Variants in FAM174A observed in about 807,000 individuals in gnomAD.
FAM174A encodes family with sequence similarity 174 member A.
A neutral mutation model predicts 14.3 loss-of-function variants in FAM174A; 14 were observed. That is an observed-to-expected ratio of 0.98 (90% confidence interval 0.65 to 1.53). FAM174A has a LOEUF of 1.53. FAM174A is among the 40% of genes most tolerant of loss of function. The pLI is 0.00. For missense variants in FAM174A, 241 were observed against 249.6 expected (o/e 0.97, Z 0.23); for synonymous variants, 108 against 111.4 (o/e 0.97, Z 0.19).
At chr5:100,581,767 G>A (rs1747021911) in intron 2 of FAM174A, among the ~76,000 whole-genome samples, 1 of 152,150 alleles carries the variant, frequency 6.6e-6, no homozygotes, top group South Asian at 2.1e-4. Context: ...ATAGAATTCT[G>A]AGGAAATTCC....
chr5:100,572,127 T>C (rs1746794395), intron 2 of FAM174A, among the ~76,000 whole-genome samples: 1 of 151,980 alleles, frequency 6.6e-6, no homozygotes, highest in Non-Finnish European at 1.5e-5. Context: ...AATAAATAAA[T>C]CAGTTCAGTA....
intron 2 of FAM174A, among the ~76,000 whole-genome samples, chr5:100,572,669 G>A (rs1746816108): frequency 6.6e-6 from 1 of 151,988 alleles, no homozygotes; most frequent in Non-Finnish European, 1.5e-5. Context: ...CATTTGGGTT[G>A]ATTCCAAGTC....
At chr5:100,573,368 G>T (rs1746835354) in intron 2 of FAM174A, among the ~76,000 whole-genome samples, 1 of 149,668 alleles carries the variant, frequency 6.7e-6, no homozygotes, top group Non-Finnish European at 1.5e-5. Flanking sequence ...TTTTCTTCTA[G>T]GGTTTTTATG....
chr5:100,566,880 A>C (rs1746664762), intron 2 of FAM174A, among the ~76,000 whole-genome samples: 1 of 151,872 alleles, frequency 6.6e-6, no homozygotes, highest in Non-Finnish European at 1.5e-5. Flanking sequence ...TTACAAAGTT[A>C]CGTTTTGAAG....
chr5:100,583,955 T>C (rs1279065074), intron 2 of FAM174A, among the ~76,000 whole-genome samples: 2 of 152,188 alleles, frequency 1.3e-5, no homozygotes, highest in Non-Finnish European at 2.9e-5. Flanking sequence ...AGAAACATTG[T>C]ATTTGGAGGC....
intron 1 of FAM174A, among the ~76,000 whole-genome samples, chr5:100,558,384 T>C (rs1746443133): frequency 1.3e-5 from 2 of 152,236 alleles, no homozygotes; most frequent in African/African-American, 2.4e-5. Context: ...GGAATAGGTG[T>C]GGTGTGCTGC....
chr5:100,562,299 TTCAGTTCTG>T (rs1746541929), intron 2 of FAM174A, 111 bp downstream of exon 2: 1 of 1,001,284 alleles, frequency 1.0e-6, no homozygotes, highest in Admixed American at 2.9e-5. Flanking sequence ...ACACAGTTTC[TTCAGTTCTG>T]TTTACTGAAG....
At chr5:100,563,523 T>C (rs1186632561) in intron 2 of FAM174A, among the ~76,000 whole-genome samples, 1 of 151,790 alleles carries the variant, frequency 6.6e-6, no homozygotes, top group Non-Finnish European at 1.5e-5. Context: ...AAGTAGGAAA[T>C]TGACAGCCAT....
Position 100,550,526 on chromosome 5 carries a change from A to C in FAM174A, c.435-11528A>C, listed in dbSNP as rs968271706. ...GTTTAGCAATATTTATCAGGCATCA[A>C]CTTTATGACAGAAGTTGTGTGCTGT... On this transcript the variant is annotated intron_variant, in intron 1 of 2. Transcript: ENST00000312637. 2.6e-5 allele frequency among the ~76,000 whole-genome samples: 4 copies of C among 152,292 alleles called. No individual in the cohort carries two copies. The South Asian group carries it at 6.2e-4, about 24-fold the overall frequency.
intron 2 of FAM174A, 92 bp downstream of exon 2, chr5:100,562,280 T>G (rs2112386190): frequency 8.5e-7 from 1 of 1,181,030 alleles, no homozygotes; most frequent in East Asian, 2.7e-5. Flanking sequence ...TTTAACAGCT[T>G]ATATTCCAAC....
Position 100,562,509 on chromosome 5 carries a change from T to G in FAM174A, c.569+321T>G, listed in dbSNP as rs143512989. Among the ~76,000 whole-genome samples the G allele has an allele frequency of 1.3e-4, 20 of 152,026 alleles. No individual in the cohort carries two copies. In the East Asian group the frequency reaches 3.9e-3, roughly 29 times the overall value. ...GTGTCATGTGGTTTTGTCGTACAGATTATTTCATCACCCAGTTATTAAGCC... is the reference window on the plus strand; with the variant it reads ...GTGTCATGTGGTTTTGTCGTACAGAGTATTTCATCACCCAGTTATTAAGCC... On this transcript the variant is annotated intron_variant, in intron 2 of 2. Transcript: ENST00000312637.
chr5:100,554,182 A>T (rs1020385341), intron 1 of FAM174A, among the ~76,000 whole-genome samples: 1 of 152,070 alleles, frequency 6.6e-6, no homozygotes, highest in Non-Finnish European at 1.5e-5. Flanking sequence ...TCCTTAACTT[A>T]TATTTCCAAC....
At chr5:100,546,724 A>G (rs189103021) in intron 1 of FAM174A, among the ~76,000 whole-genome samples, 7 of 152,190 alleles carry the variant, frequency 4.6e-5, no homozygotes, top group East Asian at 1.9e-4. Flanking sequence ...ACTATACCAG[A>G]TACACATTGA....
At chr5:100,537,589 C>T (rs533074026) in intron 1 of FAM174A, among the ~76,000 whole-genome samples, 13 of 152,262 alleles carry the variant, frequency 8.5e-5, no homozygotes, top group Admixed American at 8.5e-4. Context: ...AGAACCACAG[C>T]TGTAAGAAAT....
rs574553505 is a variant in FAM174A at position 100,579,888 on chromosome 5, G to T, written c.570-6293G>T. Reference sequence around the variant, plus strand: ...CTAGCAGAGTTTTCATTTATCCAGGGTATCTTTCCATCTTAAGAGATATTT... The same window carrying T: ...CTAGCAGAGTTTTCATTTATCCAGGTTATCTTTCCATCTTAAGAGATATTT... On this transcript the variant is annotated intron_variant, in intron 2 of 2. Transcript: ENST00000312637. Among the ~76,000 whole-genome samples, 3 of 152,140 alleles carry T rather than the reference G, an allele frequency of 2.0e-5. No homozygotes were observed. The East Asian group carries it at 5.8e-4, about 29-fold the overall frequency.
chr5:100,580,480 G>A (rs902723702), intron 2 of FAM174A, among the ~76,000 whole-genome samples: 1 of 152,218 alleles, frequency 6.6e-6, no homozygotes, highest in Admixed American at 6.5e-5. Flanking sequence ...AGAACTTGGA[G>A]TCCGATATTC....
intron 2 of FAM174A, among the ~76,000 whole-genome samples, chr5:100,564,158 A>G (rs995981449): frequency 6.6e-6 from 1 of 151,814 alleles, no homozygotes; most frequent in Non-Finnish European, 1.5e-5. Flanking sequence ...TGTCAGCACC[A>G]TGCTTGTATA....
intron 1 of FAM174A, among the ~76,000 whole-genome samples, chr5:100,540,809 A>G (rs1393055183): frequency 6.6e-6 from 1 of 152,174 alleles, no homozygotes; most frequent in Non-Finnish European, 1.5e-5. Flanking sequence ...TCTGGGAGGT[A>G]AAAGTGGAGA....
intron 2 of FAM174A, among the ~76,000 whole-genome samples, chr5:100,567,623 T>G (rs1336729458): frequency 6.6e-6 from 1 of 151,964 alleles, no homozygotes; most frequent in African/African-American, 2.4e-5. Flanking sequence ...GATTTACTAG[T>G]TATTAGCATT....
Sources: gnomAD v4.1 joint callset for allele counts (sites outside exome capture counted in the v4.1 genomes callset) on GRCh38, gnomAD v4.1.1 for gene constraint, MANE v1.5 for transcripts, NCBI Gene and HGNC (gene_info 2026-07-23, HGNC 2026-07-21) for gene names.